PSAT1: variants seen among roughly 807,000 people sequenced by gnomAD.
The protein encoded by PSAT1 is phosphoserine aminotransferase.
A neutral mutation model predicts 40.3 loss-of-function variants in PSAT1; 41 were observed. The observed-to-expected ratio is 1.02, with a 90% confidence interval of 0.79 to 1.32. The LOEUF (loss-of-function observed/expected upper bound fraction) is 1.32, where lower values mean the gene tolerates loss of function less well. Ranked by LOEUF, PSAT1 falls within the 40% of genes most tolerant of loss-of-function variation. The pLI, the probability that PSAT1 is intolerant of heterozygous loss-of-function variation, is 0.00. For synonymous variants in PSAT1, 147 were observed against 170.5 expected, an observed-to-expected ratio of 0.86 and a Z score of 1.07; for missense variants, 406 against 455.8, an observed-to-expected ratio of 0.89 and a Z score of 0.99.
intron 5 of PSAT1, among the ~76,000 whole-genome samples, chr9:78,307,888 A>G (rs984769348): frequency 6.6e-6 from 1 of 152,046 alleles, no homozygotes; most frequent in African/African-American, 2.4e-5. Flanking sequence ...AAAAATACAA[A>G]AATTCACTGG....
intron 1 of PSAT1, 24 bp downstream of exon 1, chr9:78,297,294 G>A (rs1256167144): frequency 6.3e-7 from 1 of 1,586,984 alleles, no homozygotes; most frequent in Non-Finnish European, 8.5e-7. Flanking sequence ...AGCGGGCGCC[G>A]GGAGTGAGGT....
chr9:78,318,322 G>C (rs146252269), intron 7 of PSAT1, among the ~76,000 whole-genome samples: 2 of 152,294 alleles, frequency 1.3e-5, no homozygotes, highest in East Asian at 3.9e-4. Flanking sequence ...GCTGACTCCA[G>C]TTTAAATATT....
At chr9:78,324,172 T>C (rs1458544014) in intron 7 of PSAT1, among the ~76,000 whole-genome samples, 1 of 152,162 alleles carries the variant, frequency 6.6e-6, no homozygotes, top group Non-Finnish European at 1.5e-5. Flanking sequence ...GGGGGAACAC[T>C]GCGTTCCTGT....
At chr9:78,328,459 A>G (rs967223607) in intron 8 of PSAT1, among the ~76,000 whole-genome samples, 2 of 152,212 alleles carry the variant, frequency 1.3e-5, no homozygotes, top group Admixed American at 1.3e-4. Context: ...CGTATAGCAC[A>G]GAGGTTGCCA....
intron 3 of PSAT1, 23 bp downstream of exon 3, chr9:78,302,046 C>T: frequency 6.5e-7 from 1 of 1,544,696 alleles, no homozygotes. Context: ...AAGACCAAAT[C>T]ATGTTACTTT....
rs1554688170 is a variant in PSAT1, at chr9:78,326,955, A to ATTTTTTTTT, written c.870-1086_870-1078dup. Among the ~76,000 whole-genome samples, 231 of 75,912 alleles carry ATTTTTTTTT rather than the reference A, an allele frequency of 3.0e-3. 17 individuals are homozygous for ATTTTTTTTT. Among genetic ancestry groups the ATTTTTTTTT allele is most frequent in the African/African-American group, 0.02 (209 of 10,520 alleles). 49.8% of individuals were successfully genotyped at this position (75,912 alleles called of 152,430 possible). ...CAGCAATATATATATATATATATAT[A>ATTTTTTTTT]TTTTTTTTTTTTTTTTTTGAGACAG... is the stretch of plus-strand genomic sequence containing the variant. On this transcript the variant is annotated intron_variant, in intron 7 of 8. Transcript: ENST00000376588.
chr9:78,307,969 G>A (rs1193145601), intron 5 of PSAT1, among the ~76,000 whole-genome samples: 5 of 152,108 alleles, frequency 3.3e-5, no homozygotes. Flanking sequence ...AACCCGGGAG[G>A]CAGAGGTTGC....
At chr9:78,315,177 G>A (rs935990113) in intron 6 of PSAT1, among the ~76,000 whole-genome samples, 7 of 152,192 alleles carry the variant, frequency 4.6e-5, no homozygotes, top group African/African-American at 9.7e-5. Context: ...AGTCCCACTC[G>A]CAGGGGAGCT....
At chr9:78,310,105 G>A (rs983839096) in intron 6 of PSAT1, among the ~76,000 whole-genome samples, 1 of 152,186 alleles carries the variant, frequency 6.6e-6, no homozygotes, top group Non-Finnish European at 1.5e-5. Flanking sequence ...CAGACACAAG[G>A]GAAGAGCTGG....
rs1828552933 is a variant in PSAT1, at chr9:78,329,660, C to T, written c.*574C>T. On this transcript the variant is annotated 3_prime_UTR_variant, in exon 9 of 9. Transcript: ENST00000376588. ...TATTAGCAAGGTCTGTTTTTAATAC[C>T]ATATACTTTATATTTCTATACATTT... 1.9e-5 allele frequency: 3 copies of T among 154,930 alleles called. No homozygotes were observed. In the South Asian group the frequency reaches 5.9e-4, roughly 30 times the overall value. The allele number at this position is 154,930 out of a possible 1,614,324, so 9.6% of individuals were successfully genotyped here.
chr9:78,326,195 C>T (rs1298960597), intron 7 of PSAT1, among the ~76,000 whole-genome samples: 1 of 152,090 alleles, frequency 6.6e-6, no homozygotes, highest in Non-Finnish European at 1.5e-5. Context: ...CAGATGTGCC[C>T]TCAGGGGGCC....
chr9:78,304,878 C>T lies in PSAT1; in HGVS notation c.335C>T (p.Ala112Val), dbSNP rs778303528. ...VVTGAWSAKA[A>V]EEAKKFGTIN... ...ACAGGAGCTTGGTCAGCTAAGGCCG[C>T]AGAAGAAGCCAAGAAGTTTGGGACT... The change falls in exon 4 of 9, where the codon GCA becomes GTA. Residue 112 changes from alanine to valine, a missense_variant. Coordinates refer to ENST00000376588, the MANE Select transcript of PSAT1 (RefSeq NM_058179.4). 7 of 1,613,820 alleles carry T rather than the reference C, an allele frequency of 4.3e-6. No homozygotes were observed. The highest frequency in any genetic ancestry group is 1.7e-5 in the Admixed American group (1 of 60,004).
intron 4 of PSAT1, among the ~76,000 whole-genome samples, chr9:78,305,758 C>T (rs941115776): frequency 3.3e-5 from 5 of 152,246 alleles, no homozygotes; most frequent in South Asian, 4.1e-4. Flanking sequence ...CCTGGAACTA[C>T]GTGGGCTGAG....
rs117103588 is a variant in PSAT1, at chr9:78,308,644, G to A, written c.740+61G>A. On this transcript the variant is annotated intron_variant, in intron 6 of 8. Transcript: ENST00000376588. ...GGGTCTCACTATTTTTCATCAAAGC[G>A]GAGGTTACATTTTAAAATAAAACAT... is the stretch of plus-strand genomic sequence containing the variant. The A allele has an allele frequency of 5.0e-4, 785 of 1,584,788 alleles. 10 individuals are homozygous for A. In the East Asian group the frequency reaches 0.016, roughly 31 times the overall value.
At position 78,297,168 on chromosome 9, in the gene PSAT1, G is replaced by A. The variant is rs1358957957; in HGVS notation, c.-43G>A. On this transcript the variant is annotated 5_prime_UTR_variant, in exon 1 of 9. Coordinates refer to ENST00000376588, the MANE Select transcript of PSAT1 (RefSeq NM_058179.4). ...GGCCAGGAACGCCAGCCGTTCACGC[G>A]TTCGGTCCTCCTTGGCTGACTCACC... 6.4e-6 allele frequency: 10 copies of A among 1,571,590 alleles called. No homozygotes were observed. The East Asian group carries it at 2.3e-4, about 36-fold the overall frequency.
At chr9:78,301,266 A>G (rs1391824645) in intron 2 of PSAT1, among the ~76,000 whole-genome samples, 2 of 152,168 alleles carry the variant, frequency 1.3e-5, no homozygotes, top group Admixed American at 6.5e-5. Context: ...GATACTGTAT[A>G]TTTGCATAAC....
intron 7 of PSAT1, among the ~76,000 whole-genome samples, chr9:78,320,330 A>ATCCATCCG (rs1828409821): frequency 7.0e-6 from 1 of 142,960 alleles, no homozygotes; most frequent in African/African-American, 2.7e-5. Context: ...TCTTCCATCC[A>ATCCATCCG]TCCATCTATC....
intron 7 of PSAT1, among the ~76,000 whole-genome samples, chr9:78,320,289 C>T (rs549206456): frequency 5.3e-5 from 8 of 150,754 alleles, no homozygotes. Flanking sequence ...ATTCATCCAT[C>T]CACTCACCTA....
At chr9:78,299,561 G>C (rs991357380) in intron 1 of PSAT1, among the ~76,000 whole-genome samples, 3 of 144,130 alleles carry the variant, frequency 2.1e-5, no homozygotes, top group Non-Finnish European at 3.0e-5. Context: ...TCACGAGGCT[G>C]GAGTGCAGTC....
Sources: gnomAD v4.1 joint callset for allele counts (sites outside exome capture counted in the v4.1 genomes callset) on GRCh38, gnomAD v4.1.1 for gene constraint, MANE v1.5 for transcripts, NCBI Gene and HGNC (gene_info 2026-07-23, HGNC 2026-07-21) for gene names.